Variants in PLD5 observed in about 807,000 individuals in gnomAD.
The protein encoded by PLD5 is inactive phospholipase D5.
A neutral mutation model predicts 61.1 loss-of-function variants in PLD5; 36 were observed. The observed-to-expected ratio is 0.59, with a 90% CI of 0.45 to 0.78. The LOEUF (loss-of-function observed/expected upper bound fraction) is 0.78, where lower values mean the gene tolerates loss of function less well. Ranked by LOEUF, PLD5 falls within the 30% of genes least tolerant of loss-of-function variation. The pLI, the probability that PLD5 is intolerant of heterozygous loss-of-function variation, is 0.00. For missense variants in PLD5, 515 were observed against 644.4 expected (o/e 0.80, Z 2.17); for synonymous variants, 243 against 242.8 (o/e 1.00, Z -0.01).
At chr1:242,152,299 GT>G (rs1664989270) in intron 5 of PLD5, among the ~76,000 whole-genome samples, 1 of 151,938 alleles carries the variant, frequency 6.6e-6, no homozygotes, top group Admixed American at 6.6e-5. Flanking sequence ...CCCTCTCCCA[GT>G]TTTAAGAACC....
rs145554515 is a variant in PLD5, at chr1:242,162,586, A to G, written c.736-37921T>C. Among the ~76,000 whole-genome samples the G allele has an allele frequency of 3.4e-3, 520 of 152,252 alleles. 5 individuals carry two copies. The highest frequency in any genetic ancestry group is 0.012 in the African/African-American group (508 of 41,530). ...AGACAACCTTAATGTATTAAAAAAAATTGCCCAGGGTTGAGATCTTAGTGA... is the reference window on the plus strand; with the variant it reads ...AGACAACCTTAATGTATTAAAAAAAGTTGCCCAGGGTTGAGATCTTAGTGA... On this transcript the variant is annotated intron_variant, in intron 5 of 9. Coordinates refer to ENST00000536534, the MANE Select transcript of PLD5 (RefSeq NM_001372062.1).
intron 4 of PLD5, among the ~76,000 whole-genome samples, chr1:242,257,417 TA>T (rs1202485595): frequency 1.3e-5 from 2 of 152,142 alleles, no homozygotes; most frequent in African/African-American, 4.8e-5. Flanking sequence ...AGGACTGTGT[TA>T]ACACCCCAAG....
At chr1:242,362,484 G>A (rs1334484009) in intron 1 of PLD5, among the ~76,000 whole-genome samples, 2 of 152,108 alleles carry the variant, frequency 1.3e-5, no homozygotes, top group Non-Finnish European at 2.9e-5. Context: ...TAGAAACTAA[G>A]GTTGAACACT....
chr1:242,389,472 C>A (rs1490761438), intron 1 of PLD5, among the ~76,000 whole-genome samples: 1 of 151,954 alleles, frequency 6.6e-6, no homozygotes, highest in Non-Finnish European at 1.5e-5. Context: ...TTATTAAGCT[C>A]CCATATTAAC....
At chr1:242,452,318 T>C (rs149945574) in intron 1 of PLD5, among the ~76,000 whole-genome samples, 283 of 152,314 alleles carry the variant, frequency 1.9e-3, no homozygotes, top group African/African-American at 6.2e-3. Flanking sequence ...TCTAGTGATA[T>C]GAAAAATTGT....
At chr1:242,334,658 C>T (rs968978108) in intron 2 of PLD5, among the ~76,000 whole-genome samples, 19 of 152,070 alleles carry the variant, frequency 1.2e-4, no homozygotes, top group Non-Finnish European at 2.6e-4. Context: ...CAGAATATGC[C>T]ACCCCAAAAT....
chr1:242,488,089 G>A (rs1324982376), intron 1 of PLD5, among the ~76,000 whole-genome samples: 2 of 152,072 alleles, frequency 1.3e-5, no homozygotes, highest in Non-Finnish European at 2.9e-5. Flanking sequence ...CAAAGATGTG[G>A]AGCAACAGGA....
At chr1:242,478,264 G>A (rs537803081) in intron 1 of PLD5, among the ~76,000 whole-genome samples, 2 of 152,270 alleles carry the variant, frequency 1.3e-5, no homozygotes, top group South Asian at 4.1e-4. Flanking sequence ...GGTTCCCAGA[G>A]GAAAGCTCTG....
chr1:242,435,831 AG>A (rs1439118299), intron 1 of PLD5, among the ~76,000 whole-genome samples: 1 of 152,196 alleles, frequency 6.6e-6, no homozygotes. Context: ...GGGAAGCATA[AG>A]ATTAAAATTA....
rs144132566 is a variant in PLD5 at position 242,263,099 on chromosome 1, G to A, written c.607+2238C>T. On this transcript the variant is annotated intron_variant, in intron 4 of 9. Transcript: ENST00000536534. ...AACAGGAATGACCTGCACACCACCC[G>A]TCAGAAGGGCCTTGGCCAGCTGTCT... 9.2e-3 allele frequency among the ~76,000 whole-genome samples: 1,396 copies of A among 152,224 alleles called. 24 individuals carry two copies. The highest frequency in any genetic ancestry group is 0.031 in the African/African-American group (1,304 of 41,530).
At chr1:242,510,189 G>T (rs552353733) in intron 1 of PLD5, among the ~76,000 whole-genome samples, 5 of 151,814 alleles carry the variant, frequency 3.3e-5, no homozygotes, top group Admixed American at 6.6e-5. Context: ...CCCCTTTCCC[G>T]CACGCAGGCC....
chr1:242,301,380 T>C (rs1244313347), intron 2 of PLD5, among the ~76,000 whole-genome samples: 1 of 152,222 alleles, frequency 6.6e-6, no homozygotes, highest in African/African-American at 2.4e-5. Flanking sequence ...GAGCAGAATA[T>C]GCCACCTGAA....
intron 1 of PLD5, among the ~76,000 whole-genome samples, chr1:242,406,330 C>T (rs1024425536): frequency 2.0e-5 from 3 of 152,196 alleles, no homozygotes; most frequent in African/African-American, 7.2e-5. Context: ...TTTCAATCCC[C>T]GGTTGCTTCC....
chr1:242,392,294 A>G (rs1303589335), intron 1 of PLD5, among the ~76,000 whole-genome samples: 3 of 152,116 alleles, frequency 2.0e-5, no homozygotes. Context: ...TTGAAAAACT[A>G]CTTATGGAGT....
chr1:242,365,778 G>C (rs943140044), intron 1 of PLD5: 3 of 208,648 alleles, frequency 1.4e-5, no homozygotes, highest in East Asian at 1.4e-4. Context: ...AGAATGTCTA[G>C]GCTTTATATA....
chr1:242,142,815 C>T (rs550592716), intron 5 of PLD5, among the ~76,000 whole-genome samples: 20 of 151,978 alleles, frequency 1.3e-4, no homozygotes, highest in Middle Eastern at 3.2e-3. Flanking sequence ...GTACCTCTGC[C>T]TCCCATGTTC....
At chr1:242,101,329 T>C (rs1283914802) in intron 8 of PLD5, among the ~76,000 whole-genome samples, 1 of 151,912 alleles carries the variant, frequency 6.6e-6, no homozygotes, top group Non-Finnish European at 1.5e-5. Context: ...AAATCACAAC[T>C]TCAAACCGTG....
intron 2 of PLD5, 131 bp downstream of exon 2, chr1:242,347,975 A>G: frequency 9.1e-7 from 1 of 1,093,718 alleles, no homozygotes; most frequent in Non-Finnish European, 1.3e-6. Context: ...GGACAGACTC[A>G]CACCTCAGCT....
At position 242,524,238 on chromosome 1, in the gene PLD5, G is replaced by T; in HGVS notation, c.39C>A (p.Pro13=). The change falls in exon 1 of 10, where the codon CCC becomes CCA. Residue 13 remains proline, a synonymous_variant. Coordinates refer to ENST00000536534, the MANE Select transcript of PLD5 (RefSeq NM_001372062.1). The part of the protein sequence containing the change: ...IRQHEWLSAS[P]HEGFEQMRLK... The stretch of plus-strand genomic sequence containing the variant: ...GCCTCATCTGCTCGAAGCCCTCATG[G>T]GGGGAGGCCGAGAGCCACTCGTGCT... 6.6e-7 allele frequency: 1 copy of T among 1,513,048 alleles called. No individual in the cohort carries two copies. Among genetic ancestry groups the T allele is most frequent in the Non-Finnish European group, 8.8e-7 (1 of 1,136,146 alleles). The allele number at this position is 1,513,048 out of a possible 1,614,324, so 93.7% of individuals were successfully genotyped here.
Sources: allele counts gnomAD v4.1 joint callset (sites outside exome capture counted in the v4.1 genomes callset), GRCh38; gene constraint gnomAD v4.1.1; transcripts MANE v1.5; gene names NCBI Gene and HGNC (gene_info 2026-07-23, HGNC 2026-07-21).